The following SEC24D variants were observed in gnomAD, a reference collection of about 807,000 sequenced individuals.
SEC24D encodes protein transport protein Sec24D.
Under a neutral mutation model 116.9 loss-of-function variants are expected in SEC24D, and 69 were observed. The ratio of observed to expected loss-of-function variants is 0.59; its 90% CI spans 0.49 to 0.72. The LOEUF is 0.72. SEC24D is among the 30% of genes least tolerant of loss of function. The pLI, the probability that SEC24D is intolerant of heterozygous loss-of-function variation, is 0.00. For missense variants in SEC24D, 1,131 were observed against 1,264.1 expected, an observed-to-expected ratio of 0.89 and a Z score of 1.60; for synonymous variants, 405 against 442.8, an observed-to-expected ratio of 0.91 and a Z score of 1.07.
chr4:118,814,815 G>C (rs1730067727), intron 6 of SEC24D, among the ~76,000 whole-genome samples: 1 of 152,030 alleles, frequency 6.6e-6, no homozygotes, highest in African/African-American at 2.4e-5. Flanking sequence ...AATCAGCACA[G>C]GCTGCTCTTT....
intron 6 of SEC24D, among the ~76,000 whole-genome samples, chr4:118,806,986 CAAAAT>C (rs35563548): frequency 0.014 from 2,185 of 151,996 alleles, 50 homozygotes; most frequent in African/African-American, 0.049. Flanking sequence ...GAGCCTATCT[CAAAAT>C]AAATAAATAA....
intron 2 of SEC24D, among the ~76,000 whole-genome samples, chr4:118,832,628 T>C (rs1468554549): frequency 6.6e-6 from 1 of 152,214 alleles, no homozygotes; most frequent in Non-Finnish European, 1.5e-5. Flanking sequence ...TCTGTGACCT[T>C]AGACAAGTCA....
At chr4:118,814,994 T>C in intron 6 of SEC24D, 34 bp downstream of exon 6, 1 of 1,605,292 alleles carries the variant, frequency 6.2e-7, no homozygotes, top group Non-Finnish European at 8.5e-7. Context: ...TGCTCCTTTG[T>C]GAGTGAGACT....
intron 8 of SEC24D, among the ~76,000 whole-genome samples, chr4:118,780,903 CCTG>C (rs1347346562): frequency 6.2e-5 from 9 of 146,014 alleles, no homozygotes; most frequent in South Asian, 2.2e-4. Context: ...GATTGCAACC[CCTG>C]CTTTTTTTTT....
intron 2 of SEC24D, chr4:118,825,349 G>A (rs1244690902): frequency 3.1e-6 from 1 of 327,356 alleles, no homozygotes; most frequent in Non-Finnish European, 6.0e-6. Context: ...CACCATGCTT[G>A]CTCAGACAAA....
intron 8 of SEC24D, among the ~76,000 whole-genome samples, chr4:118,778,945 T>C (rs144268523): frequency 0.04 from 6,099 of 152,294 alleles, 184 homozygotes; most frequent in Non-Finnish European, 0.063. Flanking sequence ...TTTTTGCACA[T>C]TGATTTTGTA....
At chr4:118,741,494 C>A (rs377423844) in intron 15 of SEC24D, among the ~76,000 whole-genome samples, 50 of 152,310 alleles carry the variant, frequency 3.3e-4, no homozygotes, top group Non-Finnish European at 4.9e-4. Flanking sequence ...CTGTTAACTA[C>A]TCTACGATCA....
Position 118,786,443 on chromosome 4 carries a change from G to A in SEC24D, c.1041+11240C>T, listed in dbSNP as rs114655656. On this transcript the variant is annotated intron_variant, in intron 8 of 22. Coordinates refer to ENST00000280551, the MANE Select transcript of SEC24D (RefSeq NM_014822.4). The stretch of plus-strand genomic sequence containing the variant: ...TTTCTTGTACTTGATTAGCAAAGAC[G>A]CACAGCTGCACACACTGTAGACCCT... 1.4e-3 allele frequency among the ~76,000 whole-genome samples: 208 copies of A among 152,112 alleles called. 2 individuals carry two copies. The highest frequency in any genetic ancestry group is 2.3e-3 in the Non-Finnish European group (158 of 67,988).
chr4:118,807,541 A>T (rs1729726796), intron 6 of SEC24D, among the ~76,000 whole-genome samples: 2 of 152,188 alleles, frequency 1.3e-5, no homozygotes, highest in South Asian at 4.1e-4. Context: ...AAAATGGAGA[A>T]ACAGGAAGTG....
chr4:118,831,686 T>C (rs906118301), intron 2 of SEC24D, among the ~76,000 whole-genome samples: 2 of 151,794 alleles, frequency 1.3e-5, no homozygotes, highest in Non-Finnish European at 2.9e-5. Context: ...CTTCTCCCAG[T>C]GTGGCCCAGG....
rs372038410 is a variant in SEC24D, at chr4:118,785,487, TG to T, written c.1041+12195del. 1.4e-4 allele frequency among the ~76,000 whole-genome samples: 21 copies of T among 152,246 alleles called. No individual in the cohort carries two copies. In the East Asian group the frequency reaches 4.1e-3, roughly 29 times the overall value. Reference sequence around the variant, plus strand: ...GTATGAGTTGAGCTACAGGGGAGAATGGGGCTTGGGAAGTATCCCAAAAGCT... The same window carrying T: ...GTATGAGTTGAGCTACAGGGGAGAATGGGCTTGGGAAGTATCCCAAAAGCT... On this transcript the variant is annotated intron_variant, in intron 8 of 22. Transcript: ENST00000280551.
At chr4:118,741,627 C>T (rs931595059) in intron 15 of SEC24D, among the ~76,000 whole-genome samples, 3 of 152,200 alleles carry the variant, frequency 2.0e-5, no homozygotes, top group African/African-American at 7.2e-5. Flanking sequence ...GCTTCTAAAG[C>T]TTCTCATCTG....
intron 8 of SEC24D, among the ~76,000 whole-genome samples, chr4:118,796,578 C>G (rs1729191121): frequency 6.6e-6 from 1 of 152,150 alleles, no homozygotes; most frequent in South Asian, 2.1e-4. Context: ...GAGTGAAGAT[C>G]CCAAAGGGCA....
At chr4:118,733,031 C>G (rs1725774600) in intron 19 of SEC24D, 119 bp from the exon 20 acceptor site, 5 of 861,914 alleles carry the variant, frequency 5.8e-6, no homozygotes, top group Non-Finnish European at 9.0e-6. Flanking sequence ...TAAGGATTAA[C>G]TGGTAACCCA....
At chr4:118,745,657 T>A (rs1200109271) in intron 13 of SEC24D, among the ~76,000 whole-genome samples, 1 of 151,870 alleles carries the variant, frequency 6.6e-6, no homozygotes, top group African/African-American at 2.4e-5. Flanking sequence ...AAAAGAAGAG[T>A]CAAAGCTCCA....
chr4:118,797,247 G>A (rs948581687), intron 8 of SEC24D, among the ~76,000 whole-genome samples: 2 of 152,248 alleles, frequency 1.3e-5, no homozygotes, highest in Admixed American at 1.3e-4. Context: ...TTAAGTAGGA[G>A]TTGATGAGTA....
chr4:118,795,662 G>A (rs1729147606), intron 8 of SEC24D, among the ~76,000 whole-genome samples: 1 of 152,160 alleles, frequency 6.6e-6, no homozygotes, highest in Non-Finnish European at 1.5e-5. Context: ...GTACAAAATA[G>A]AGCATACTTT....
intron 3 of SEC24D, among the ~76,000 whole-genome samples, chr4:118,818,960 C>T (rs1730273037): frequency 6.6e-6 from 1 of 152,140 alleles, no homozygotes; most frequent in Non-Finnish European, 1.5e-5. Flanking sequence ...CACCCTTTGA[C>T]TTAAATACTT....
At chr4:118,734,455 C>A (rs921450872) in intron 19 of SEC24D, among the ~76,000 whole-genome samples, 1 of 151,970 alleles carries the variant, frequency 6.6e-6, no homozygotes, top group Non-Finnish European at 1.5e-5. Context: ...TCAAGCAATC[C>A]GCCCACCTCA....
Sources: allele counts gnomAD v4.1 joint callset (sites outside exome capture counted in the v4.1 genomes callset), GRCh38; gene constraint gnomAD v4.1.1; transcripts MANE v1.5; gene names NCBI Gene and HGNC (gene_info 2026-07-23, HGNC 2026-07-21).